Variants in RALYL observed in about 807,000 individuals in gnomAD.
RALYL encodes RALY RNA binding protein like.
A neutral mutation model predicts 35.1 loss-of-function variants in RALYL; 29 were observed. That is an observed-to-expected ratio of 0.83 (90% CI 0.61 to 1.13). The LOEUF (loss-of-function observed/expected upper bound fraction) is 1.13. Ranked by LOEUF, RALYL falls within the 50% of genes most tolerant of loss-of-function variation. The probability of loss-of-function intolerance (pLI) is 0.00; values close to 1 mark genes in which losing one functional copy is unlikely to be tolerated. For synonymous variants in RALYL, 120 were observed against 127.6 expected (o/e 0.94, Z 0.40); for missense variants, 359 against 360.4 (o/e 1.00, Z 0.03).
intron 5 of RALYL, among the ~76,000 whole-genome samples, chr8:84,856,057 CAA>C (rs1836895929): frequency 6.6e-6 from 1 of 152,118 alleles, no homozygotes; most frequent in Admixed American, 6.5e-5. Context: ...TAACAAGAAA[CAA>C]TGTTTTGTTA....
intron 4 of RALYL, among the ~76,000 whole-genome samples, chr8:84,815,241 G>A (rs969354554): frequency 6.6e-6 from 1 of 152,190 alleles, no homozygotes; most frequent in Non-Finnish European, 1.5e-5. Context: ...TGCCTATGCA[G>A]AAGTACATAT....
chr8:84,283,173 G>A (rs904014205), intron 1 of RALYL, among the ~76,000 whole-genome samples: 11 of 151,400 alleles, frequency 7.3e-5, no homozygotes, highest in Admixed American at 3.3e-4. Flanking sequence ...ATGTATAAAT[G>A]TTGAGTTATG....
chr8:84,733,824 A>G (rs1342005323), intron 2 of RALYL, among the ~76,000 whole-genome samples: 16 of 152,178 alleles, frequency 1.1e-4, no homozygotes, highest in Admixed American at 1.0e-3. Context: ...ACTGCATGAA[A>G]TACCTGACCC....
At chr8:84,300,744 C>G (rs1467558955) in intron 1 of RALYL, among the ~76,000 whole-genome samples, 1 of 151,868 alleles carries the variant, frequency 6.6e-6, no homozygotes, top group African/African-American at 2.4e-5. Context: ...AATAACAACC[C>G]CTGCTTTTTG....
chr8:84,421,621 G>C (rs1420606760), intron 1 of RALYL, among the ~76,000 whole-genome samples: 2 of 113,328 alleles, frequency 1.8e-5, no homozygotes, highest in African/African-American at 6.6e-5. Context: ...TCCCTGTCTT[G>C]TGCCAGTTTT....
intron 1 of RALYL, among the ~76,000 whole-genome samples, chr8:84,497,208 G>T (rs907318770): frequency 3.9e-5 from 6 of 152,054 alleles, no homozygotes; most frequent in Non-Finnish European, 2.9e-5. Context: ...GTCTCTGATG[G>T]CTACTCTCAA....
At chr8:84,682,911 C>T (rs1835896258) in intron 2 of RALYL, among the ~76,000 whole-genome samples, 1 of 152,006 alleles carries the variant, frequency 6.6e-6, no homozygotes, top group African/African-American at 2.4e-5. Flanking sequence ...TCTTGCTTCT[C>T]TAGTTCTTTT....
At chr8:84,596,155 T>C (rs1814473589) in intron 2 of RALYL, among the ~76,000 whole-genome samples, 1 of 151,164 alleles carries the variant, frequency 6.6e-6, no homozygotes, top group Non-Finnish European at 1.5e-5. Flanking sequence ...TTTGAGAAGA[T>C]GTCAGGGTTT....
chr8:84,830,025 G>T, intron 4 of RALYL, among the ~76,000 whole-genome samples: 1 of 138,830 alleles, frequency 7.2e-6, no homozygotes, highest in Admixed American at 7.2e-5. Flanking sequence ...CTGGGGGGGG[G>T]GGGGCATTTT....
intron 2 of RALYL, among the ~76,000 whole-genome samples, chr8:84,728,256 G>T (rs1378129027): frequency 6.6e-6 from 1 of 152,006 alleles, no homozygotes; most frequent in African/African-American, 2.4e-5. Context: ...GTGTTTTTTG[G>T]CTACATAGAT....
At chr8:84,741,859 T>A (rs1291096201) in intron 2 of RALYL, among the ~76,000 whole-genome samples, 1 of 151,998 alleles carries the variant, frequency 6.6e-6, no homozygotes, top group Non-Finnish European at 1.5e-5. Flanking sequence ...CTGCATACTG[T>A]TTTCATTGTT....
chr8:84,385,650 T>C (rs560137946), intron 1 of RALYL, among the ~76,000 whole-genome samples: 1 of 152,024 alleles, frequency 6.6e-6, no homozygotes, highest in Admixed American at 6.6e-5. Flanking sequence ...TCCTCAAGAT[T>C]GACTCTCTTT....
chr8:84,483,074 A>T (rs1285953892), intron 1 of RALYL, among the ~76,000 whole-genome samples: 1 of 152,108 alleles, frequency 6.6e-6, no homozygotes, highest in Non-Finnish European at 1.5e-5. Context: ...GATTTTGAAG[A>T]TATATAAGCT....
At chr8:84,413,833 A>T (rs927187544) in intron 1 of RALYL, among the ~76,000 whole-genome samples, 2 of 151,986 alleles carry the variant, frequency 1.3e-5, no homozygotes, top group African/African-American at 4.8e-5. Context: ...TCCTATTTTG[A>T]GTCATGAACC....
intron 1 of RALYL, among the ~76,000 whole-genome samples, chr8:84,307,602 C>T (rs1160264005): frequency 1.4e-4 from 21 of 151,962 alleles, no homozygotes; most frequent in Admixed American, 1.4e-3. Flanking sequence ...TACTCAAGGC[C>T]AGAAGGAGAA....
chr8:84,535,353 T>C (rs2059526515), intron 2 of RALYL, among the ~76,000 whole-genome samples: 1 of 152,150 alleles, frequency 6.6e-6, no homozygotes, highest in African/African-American at 2.4e-5. Flanking sequence ...AGTAATACTT[T>C]TGAGAGTAAA....
intron 3 of RALYL, among the ~76,000 whole-genome samples, chr8:84,800,096 A>G (rs932389008): frequency 1.3e-5 from 2 of 152,214 alleles, no homozygotes; most frequent in African/African-American, 4.8e-5. Context: ...GATGCCAGAG[A>G]TGTAAGTTTT....
chr8:84,220,448 G>A (rs1307139021), intron 1 of RALYL, among the ~76,000 whole-genome samples: 2 of 151,894 alleles, frequency 1.3e-5, no homozygotes, highest in African/African-American at 4.8e-5. Context: ...TTCTTGTCCA[G>A]TAACACTAAC....
intron 7 of RALYL, among the ~76,000 whole-genome samples, chr8:84,877,497 T>TAA (rs1052233331): frequency 4.7e-4 from 70 of 149,370 alleles, no homozygotes; most frequent in African/African-American, 1.2e-3. Flanking sequence ...AACAAATAAA[T>TAA]ATATATATAT....
Sources: allele counts gnomAD v4.1 joint callset (sites outside exome capture counted in the v4.1 genomes callset), GRCh38; gene constraint gnomAD v4.1.1; transcripts MANE v1.5; gene names NCBI Gene and HGNC (gene_info 2026-07-23, HGNC 2026-07-21).